The following VEZT variants were observed in gnomAD, a reference collection of about 807,000 sequenced individuals.
The protein encoded by VEZT is vezatin.
VEZT carries 39 observed loss-of-function variants against 79.9 expected under a neutral mutation model. The observed-to-expected ratio is 0.49, with a 90% CI of 0.38 to 0.64. VEZT has a LOEUF of 0.64. Ranked by LOEUF, VEZT falls within the 30% of genes least tolerant of loss-of-function variation. VEZT has a pLI of 0.00. For missense variants in VEZT, 837 were observed against 893.1 expected (o/e 0.94, Z 0.80); for synonymous variants, 325 against 327.6 (o/e 0.99, Z 0.09).
At position 95,282,608 on chromosome 12, in the gene VEZT, G is replaced by A. The variant is rs759971529; in HGVS notation, c.1292G>A (p.Arg431His). 16 of 1,610,260 alleles carry A rather than the reference G, an allele frequency of 9.9e-6. No homozygotes were observed. Among genetic ancestry groups the A allele is most frequent in the African/African-American group, 2.7e-5 (2 of 74,818 alleles). The change falls in exon 8 of 12, where the codon CGT becomes CAT. Residue 431 changes from arginine to histidine, a missense_variant. Arg to His is a conservative substitution (Grantham distance 29). Coordinates refer to ENST00000436874, the MANE Select transcript of VEZT (RefSeq NM_017599.4). ...RELNNVHTAV[R>H]SLQLHLKALL... ...CTGAATAATGTTCACACAGCAGTGC[G>A]TAGCTTGCAGCTCCATCTGAAAGCA...
chr12:95,223,195 G>A (rs1483871399), intron 1 of VEZT, among the ~76,000 whole-genome samples: 1 of 152,104 alleles, frequency 6.6e-6, no homozygotes, highest in Non-Finnish European at 1.5e-5. Context: ...TCGTAAGGTA[G>A]TTATGAGTAC....
At chr12:95,243,742 G>A (rs997064456) in intron 1 of VEZT, among the ~76,000 whole-genome samples, 5 of 152,178 alleles carry the variant, frequency 3.3e-5, no homozygotes, top group Admixed American at 6.5e-5. Flanking sequence ...TTTAGGTCAC[G>A]AGGCTCCACT....
chr12:95,283,420 G>A (rs1250028105), intron 8 of VEZT, among the ~76,000 whole-genome samples: 1 of 152,094 alleles, frequency 6.6e-6, no homozygotes, highest in African/African-American at 2.4e-5. Flanking sequence ...GGTTCAAATT[G>A]TGTTGGTAAT....
chr12:95,297,454 T>C (rs900238857), intron 11 of VEZT, among the ~76,000 whole-genome samples: 5 of 152,144 alleles, frequency 3.3e-5, no homozygotes, highest in African/African-American at 1.2e-4. Flanking sequence ...TCTGCATTTC[T>C]TGGTTTTATC....
chr12:95,263,834 G>A (rs1300088370), intron 4 of VEZT: 1 of 152,074 alleles, frequency 6.6e-6, no homozygotes, highest in African/African-American at 2.4e-5. Context: ...GCTGAGAAAA[G>A]ATCACAGGGA....
intron 1 of VEZT, among the ~76,000 whole-genome samples, chr12:95,227,338 T>C (rs2058639961): frequency 1.3e-5 from 2 of 148,158 alleles, no homozygotes; most frequent in African/African-American, 2.5e-5. Flanking sequence ...TTTTTTCTTT[T>C]TTTTTTTTTT....
Position 95,254,077 on chromosome 12 carries a change from C to G in VEZT, c.168+2006C>G, listed in dbSNP as rs2063054902. Among the ~76,000 whole-genome samples the G allele has an allele frequency of 2.6e-5, 4 of 152,058 alleles. No individual in the cohort carries two copies. The South Asian group carries it at 8.3e-4, about 31-fold the overall frequency. ...TTCACTGCAGCATTCACTTCCTGGG[C>G]CCAAGTGATCCTCCCACCTCTGCCT... On this transcript the variant is annotated intron_variant, in intron 2 of 11. Transcript: ENST00000436874.
chr12:95,293,524 A>G (rs1334531751), intron 9 of VEZT, among the ~76,000 whole-genome samples: 1 of 152,242 alleles, frequency 6.6e-6, no homozygotes, highest in East Asian at 1.9e-4. Flanking sequence ...CACTTGGGTG[A>G]TCTTTAAAAG....
intron 1 of VEZT, among the ~76,000 whole-genome samples, chr12:95,240,618 T>C (rs1474459201): frequency 6.6e-6 from 1 of 152,216 alleles, no homozygotes; most frequent in African/African-American, 2.4e-5. Context: ...TTTGGTTTTA[T>C]ATTAGTAGCT....
At chr12:95,253,580 TGGCC>T (rs1246121389) in intron 2 of VEZT, among the ~76,000 whole-genome samples, 1 of 152,240 alleles carries the variant, frequency 6.6e-6, no homozygotes, top group Non-Finnish European at 1.5e-5. Flanking sequence ...AAACAAAGAA[TGGCC>T]AGGGGATAGT....
intron 1 of VEZT, among the ~76,000 whole-genome samples, chr12:95,225,656 C>T (rs71458583): frequency 6.6e-6 from 1 of 150,792 alleles, no homozygotes; most frequent in Non-Finnish European, 1.5e-5. Context: ...CTTGGAGTCT[C>T]TCCACTGTCT....
At chr12:95,269,954 G>C (rs2066275403) in intron 5 of VEZT, 97 bp from the exon 6 acceptor site, 1 of 1,407,320 alleles carries the variant, frequency 7.1e-7, no homozygotes, top group Admixed American at 2.3e-5. Context: ...AGAGGAATTT[G>C]TTTTCTACAT....
rs1347716775 is a variant in VEZT at position 95,302,523 on chromosome 12, G to T, written c.*1850G>T. On this transcript the variant is annotated 3_prime_UTR_variant, in exon 12 of 12. Coordinates refer to ENST00000436874, the MANE Select transcript of VEZT (RefSeq NM_017599.4). ...ATCTTGCAGCTTTATTTGAGTATTT[G>T]TTCTTTTGTGTAGTTTCCATCTTTT... 6.6e-6 allele frequency: 1 copy of T among 151,982 alleles called. No homozygotes were observed. The highest frequency in any genetic ancestry group is 1.9e-4 in the East Asian group (1 of 5,180). 9.4% of individuals were successfully genotyped at this position (151,982 alleles called of 1,614,324 possible).
chr12:95,270,011 A>C (rs371880291), intron 5 of VEZT, 40 bp from the exon 6 acceptor site: 1 of 1,592,922 alleles, frequency 6.3e-7, no homozygotes, highest in Non-Finnish European at 8.6e-7. Context: ...GGACACCTGT[A>C]CAGTTGTATC....
intron 7 of VEZT, among the ~76,000 whole-genome samples, chr12:95,278,223 A>G (rs1290863118): frequency 6.6e-6 from 1 of 152,180 alleles, no homozygotes; most frequent in Non-Finnish European, 1.5e-5. Context: ...ATTCTATCTG[A>G]TATGGCCTGC....
intron 1 of VEZT, among the ~76,000 whole-genome samples, chr12:95,228,282 CT>C (rs1401898145): frequency 6.6e-6 from 1 of 152,084 alleles, no homozygotes; most frequent in Admixed American, 6.6e-5. Flanking sequence ...GAGAGATTCC[CT>C]TTTCTTTGTA....
At position 95,260,955 on chromosome 12, in the gene VEZT, T is replaced by C. The variant is rs187956513; in HGVS notation, c.259-1951T>C. ...GAGAGAAGAGGCAGTTGTTCAAATA[T>C]GAAACATAAAAGTGCTGCAGAGGTA... On this transcript the variant is annotated intron_variant, in intron 3 of 11. Transcript: ENST00000436874. Among the ~76,000 whole-genome samples the C allele has an allele frequency of 3.6e-5, 5 of 137,278 alleles. No individual in the cohort carries two copies. The Admixed American group carries it at 3.9e-4, about 11-fold the overall frequency. 90.1% of individuals were successfully genotyped at this position (137,278 alleles called of 152,430 possible).
At chr12:95,286,960 C>A in intron 8 of VEZT, 1 of 71,398 alleles carries the variant, frequency 1.4e-5, no homozygotes. Context: ...GGGAGGGAGC[C>A]AGGGAGCTGT....
intron 1 of VEZT, among the ~76,000 whole-genome samples, chr12:95,236,285 T>C (rs1321449448): frequency 6.6e-6 from 1 of 152,058 alleles, no homozygotes; most frequent in African/African-American, 2.4e-5. Context: ...CAGTCAGGCG[T>C]GGCGGCGCGC....
Sources: gnomAD v4.1 joint callset for allele counts (sites outside exome capture counted in the v4.1 genomes callset) on GRCh38, gnomAD v4.1.1 for gene constraint, MANE v1.5 for transcripts, NCBI Gene and HGNC (gene_info 2026-07-23, HGNC 2026-07-21) for gene names.